Variants in DLGAP2 observed in about 807,000 individuals in gnomAD.
DLGAP2 encodes the protein disks large-associated protein 2.
DLGAP2 carries 26 observed loss-of-function variants against 100.3 expected under a neutral mutation model. That is an observed-to-expected ratio of 0.26 (90% CI 0.19 to 0.36). The LOEUF (loss-of-function observed/expected upper bound fraction) is 0.36. Among genes scored for constraint, DLGAP2 ranks in the 10% least tolerant of loss-of-function variants. DLGAP2 has a pLI of 1.00. For synonymous variants in DLGAP2, 886 were observed against 630.1 expected (o/e 1.41, Z -6.08); for missense variants, 1,858 against 1,453.2 (o/e 1.28, Z -4.53).
chr8:1,346,252 C>G (rs903336057), intron 3 of DLGAP2, among the ~76,000 whole-genome samples: 3 of 150,816 alleles, frequency 2.0e-5, no homozygotes, highest in Non-Finnish European at 4.4e-5. Flanking sequence ...CTGCATTGCT[C>G]TCATGGTAGC....
chr8:1,602,985 G>A (rs1584980196), intron 6 of DLGAP2, among the ~76,000 whole-genome samples: 1 of 152,254 alleles, frequency 6.6e-6, no homozygotes, highest in African/African-American at 2.4e-5. Context: ...TGCAGAGGCT[G>A]GATAGAGTGG....
chr8:1,076,941 C>T (rs1274707686), intron 2 of DLGAP2, among the ~76,000 whole-genome samples: 3 of 140,008 alleles, frequency 2.1e-5, no homozygotes, highest in East Asian at 2.2e-4. Flanking sequence ...GGAGTCTGTC[C>T]CGGGCCCCCC....
At chr8:843,973 G>C (rs926267995) in intron 1 of DLGAP2, among the ~76,000 whole-genome samples, 1 of 152,206 alleles carries the variant, frequency 6.6e-6, no homozygotes, top group Non-Finnish European at 1.5e-5. Context: ...AACATTGGTA[G>C]TATGTTTTAA....
chr8:989,311 C>T lies in DLGAP2; in HGVS notation c.73+81345C>T, dbSNP rs369653220. Among the ~76,000 whole-genome samples the T allele has an allele frequency of 1.9e-4, 29 of 152,304 alleles. No individual in the cohort carries two copies. In the East Asian group the frequency reaches 2.5e-3, roughly 13 times the overall value. On this transcript the variant is annotated intron_variant, in intron 2 of 14. Transcript: ENST00000637795. The stretch of plus-strand genomic sequence containing the variant: ...TCCTAACCTCCTCTCCATCAGTGGA[C>T]GGCTGCTCTCCCAGGGCCTGAGGGA...
intron 2 of DLGAP2, among the ~76,000 whole-genome samples, chr8:1,046,326 G>A (rs780885138): frequency 6.6e-6 from 1 of 152,148 alleles, no homozygotes; most frequent in Non-Finnish European, 1.5e-5. Context: ...GTGACCGAGG[G>A]CCATGCTTCA....
chr8:1,414,396 G>A (rs981833096), intron 3 of DLGAP2, among the ~76,000 whole-genome samples: 3 of 152,228 alleles, frequency 2.0e-5, no homozygotes, highest in Non-Finnish European at 4.4e-5. Flanking sequence ...TGCAAGGTCC[G>A]GGGTGTGAGT....
intron 13 of DLGAP2, among the ~76,000 whole-genome samples, chr8:1,695,503 CCCT>C (rs1799372529): frequency 6.7e-6 from 1 of 148,214 alleles, no homozygotes; most frequent in Admixed American, 6.7e-5. Flanking sequence ...CCATGCCCGG[CCCT>C]ACAGAAAGGG....
At chr8:1,652,903 C>T (rs1350208077) in intron 8 of DLGAP2, among the ~76,000 whole-genome samples, 1 of 152,170 alleles carries the variant, frequency 6.6e-6, no homozygotes. Context: ...AAGGCTGTGC[C>T]ACAGATGACT....
At chr8:1,424,608 C>T (rs986382679) in intron 3 of DLGAP2, among the ~76,000 whole-genome samples, 4 of 152,070 alleles carry the variant, frequency 2.6e-5, no homozygotes, top group Non-Finnish European at 5.9e-5. Context: ...ACATGTGGCA[C>T]TTGGAGGAGT....
intron 3 of DLGAP2, among the ~76,000 whole-genome samples, chr8:1,387,299 A>G (rs1796242665): frequency 6.6e-6 from 1 of 152,248 alleles, no homozygotes; most frequent in South Asian, 2.1e-4. Context: ...GTAAAAGTGT[A>G]TACATGAAAA....
rs1196107378 is a variant in DLGAP2, at chr8:1,202,017, CTATG to C, written c.74-56831_74-56828del. ...GTGGTGTGTGTGTATACACATGTGT[CTATG>C]TACATGTGTGCACATGTGCAGTATC... On this transcript the variant is annotated intron_variant, in intron 2 of 14. Transcript: ENST00000637795. 3.3e-5 allele frequency among the ~76,000 whole-genome samples: 5 copies of C among 150,806 alleles called. No individual in the cohort carries two copies. In the South Asian group the frequency reaches 8.4e-4, roughly 25 times the overall value.
At chr8:1,317,882 T>C (rs74688464) in intron 3 of DLGAP2, among the ~76,000 whole-genome samples, 130 of 123,876 alleles carry the variant, frequency 1.0e-3, no homozygotes, top group African/African-American at 1.9e-3. Flanking sequence ...AGAGCGTGTG[T>C]GAGTGCAGCG....
At chr8:1,111,434 G>A (rs920551340) in intron 2 of DLGAP2, among the ~76,000 whole-genome samples, 2 of 151,736 alleles carry the variant, frequency 1.3e-5, no homozygotes. Flanking sequence ...CGCGGTACAT[G>A]TGAAGGCTTC....
chr8:1,324,018 G>A lies in DLGAP2; in HGVS notation c.106+65135G>A, dbSNP rs563978401. Among the ~76,000 whole-genome samples the A allele has an allele frequency of 2.6e-5, 4 of 152,258 alleles. No homozygotes were observed. In the South Asian group the frequency reaches 8.3e-4, roughly 32 times the overall value. On this transcript the variant is annotated intron_variant, in intron 3 of 14. Transcript: ENST00000637795. The stretch of plus-strand genomic sequence containing the variant: ...CTGTTTCTTTACACCAGATTCATCT[G>A]GCAACTGAAGTGTGCGTCTGGTCTG...
At chr8:767,204 A>G (rs1233303261) in intron 1 of DLGAP2, among the ~76,000 whole-genome samples, 1 of 152,114 alleles carries the variant, frequency 6.6e-6, no homozygotes, top group East Asian at 1.9e-4. Context: ...GTGGTCCTGC[A>G]TGATGGACCT....
intron 2 of DLGAP2, among the ~76,000 whole-genome samples, chr8:1,244,252 C>T (rs1798859988): frequency 6.6e-6 from 1 of 152,184 alleles, no homozygotes; most frequent in Non-Finnish European, 1.5e-5. Context: ...ACCCTAGTGC[C>T]CGGCATAGAC....
At chr8:1,056,395 A>G (rs142726766) in intron 2 of DLGAP2, among the ~76,000 whole-genome samples, 76 of 150,680 alleles carry the variant, frequency 5.0e-4, no homozygotes, top group African/African-American at 1.7e-3. Context: ...GCCTTCTCCC[A>G]TTTTTCCCAT....
intron 1 of DLGAP2, among the ~76,000 whole-genome samples, chr8:779,105 A>C (rs551917841): frequency 6.6e-6 from 1 of 152,356 alleles, no homozygotes; most frequent in African/African-American, 2.4e-5. Flanking sequence ...CCGATTTTCC[A>C]GGTGCCGTCC....
intron 1 of DLGAP2, among the ~76,000 whole-genome samples, chr8:902,850 AG>A (rs1197998148): frequency 3.2e-5 from 1 of 31,126 alleles, no homozygotes; most frequent in Non-Finnish European, 6.0e-5. Flanking sequence ...GTGTTCGGGT[AG>A]GGGGGCGGGG....
Sources: allele counts gnomAD v4.1 joint callset (sites outside exome capture counted in the v4.1 genomes callset), GRCh38; gene constraint gnomAD v4.1.1; transcripts MANE v1.5; gene names NCBI Gene and HGNC (gene_info 2026-07-23, HGNC 2026-07-21).